The following CFAP57 variants were observed in gnomAD, a reference collection of about 807,000 sequenced individuals.
The protein encoded by CFAP57 is cilia and flagella associated protein 57.
In CFAP57, 116 loss-of-function variants were observed where a neutral mutation model predicts 146.8. The observed-to-expected ratio is 0.79, with a 90% CI of 0.68 to 0.92. The LOEUF (loss-of-function observed/expected upper bound fraction) is 0.92. Among genes scored for constraint, CFAP57 ranks in the 40% least tolerant of loss-of-function variants. The probability of loss-of-function intolerance (pLI) is 0.00; values close to 1 mark genes in which losing one functional copy is unlikely to be tolerated. For missense variants in CFAP57, 1,377 were observed against 1,527.2 expected (o/e 0.90, Z 1.64); for synonymous variants, 518 against 552.8 (o/e 0.94, Z 0.88).
intron 15 of CFAP57, 110 bp from the exon 16 acceptor site, chr1:43,222,714 C>A: frequency 7.8e-7 from 1 of 1,277,638 alleles, no homozygotes; most frequent in Non-Finnish European, 1.0e-6. Flanking sequence ...TGACACTCGC[C>A]TTTGACTCCC....
At chr1:43,212,947 A>AAAAAAG (rs1553180118) in intron 11 of CFAP57, among the ~76,000 whole-genome samples, 6 of 151,292 alleles carry the variant, frequency 4.0e-5, no homozygotes, top group Non-Finnish European at 4.4e-5. Context: ...AAAAAAAAAA[A>AAAAAAG]AAAGAAAGAA....
At chr1:43,251,981 G>C (rs1001007049) in intron 22 of CFAP57, among the ~76,000 whole-genome samples, 1 of 152,174 alleles carries the variant, frequency 6.6e-6, no homozygotes, top group Non-Finnish European at 1.5e-5. Context: ...ATGGAATGTA[G>C]AATAAGAGAT....
intron 22 of CFAP57, among the ~76,000 whole-genome samples, chr1:43,251,378 G>A (rs2124696521): frequency 6.6e-6 from 1 of 152,328 alleles, no homozygotes. Flanking sequence ...ACAAGAACTA[G>A]GGAGGGGCCA....
Position 43,230,129 on chromosome 1 carries a change from G to A in CFAP57, c.3010-2379G>A, listed in dbSNP as rs1645407435. On this transcript the variant is annotated intron_variant, in intron 18 of 22. Transcript: ENST00000372492. ...GAGTAGTATGAGTCTTTGCCTGGGG[G>A]AAAAAATGAACAGAAGTAAACAATA... Among the ~76,000 whole-genome samples, 3 of 152,080 alleles carry A rather than the reference G, an allele frequency of 2.0e-5. No individual in the cohort carries two copies. The South Asian group carries it at 6.2e-4, about 32-fold the overall frequency.
rs1180131503 is a variant in CFAP57, at chr1:43,183,951, A to G, written c.761+74A>G. 3.1e-6 allele frequency: 5 copies of G among 1,587,754 alleles called. No individual in the cohort carries two copies. The African/African-American group carries it at 5.4e-5, about 17-fold the overall frequency. On this transcript the variant is annotated intron_variant, in intron 4 of 22. Transcript: ENST00000372492. Reference sequence around the variant, plus strand: ...CATTATGCAGAAGACAGCACTCTTTAGAAACCACTCATAACCCCTCTACCG... The same window carrying G: ...CATTATGCAGAAGACAGCACTCTTTGGAAACCACTCATAACCCCTCTACCG...
At chr1:43,253,391 G>C (rs1054442335) in intron 22 of CFAP57, among the ~76,000 whole-genome samples, 2 of 152,216 alleles carry the variant, frequency 1.3e-5, no homozygotes, top group African/African-American at 2.4e-5. Flanking sequence ...CTGGCATGGC[G>C]TGGAGGCCAA....
At chr1:43,175,263 G>A (rs371664163) in intron 2 of CFAP57, among the ~76,000 whole-genome samples, 24 of 151,202 alleles carry the variant, frequency 1.6e-4, no homozygotes, top group African/African-American at 4.6e-4. Context: ...ACATATATAC[G>A]TATAAAATAC....
chr1:43,172,621 AAAGGGGAGAGAC>A (rs1645016494), intron 1 of CFAP57, 102 bp from the exon 2 acceptor site: 1 of 839,290 alleles, frequency 1.2e-6, no homozygotes, highest in Non-Finnish European at 1.8e-6. Context: ...AGGGGAGGAG[AAAGGGGAGAGAC>A]AAGGGGAGGA....
intron 2 of CFAP57, among the ~76,000 whole-genome samples, chr1:43,180,805 G>C (rs1569834594): frequency 6.6e-6 from 1 of 152,114 alleles, no homozygotes; most frequent in Non-Finnish European, 1.5e-5. Context: ...GGAGTGATGA[G>C]CTAGCCACTC....
At position 43,181,396 on chromosome 1, in the gene CFAP57, A is replaced by C; in HGVS notation, c.158-138A>C. The C allele has an allele frequency of 2.9e-6, 3 of 1,028,062 alleles. No individual in the cohort carries two copies. In the South Asian group the frequency reaches 4.2e-5, roughly 14 times the overall value. The allele number at this position is 1,028,062 out of a possible 1,614,324, so 63.7% of individuals were successfully genotyped here. On this transcript the variant is annotated intron_variant, in intron 2 of 22. Transcript: ENST00000372492. Reference sequence around the variant, plus strand: ...CCCTAGTCATTTTCATAATACCCAAACACAGCTATGCCAAGGCCGCCTTTC... The same window carrying C: ...CCCTAGTCATTTTCATAATACCCAACCACAGCTATGCCAAGGCCGCCTTTC...
Position 43,185,346 on chromosome 1 carries a change from G to C in CFAP57, c.959G>C (p.Arg320Thr). The C allele has an allele frequency of 6.2e-7, 1 of 1,614,022 alleles. No homozygotes were observed. Among genetic ancestry groups the C allele is most frequent in the Non-Finnish European group, 8.5e-7 (1 of 1,179,998 alleles). The change falls in exon 5 of 23, where the codon AGA becomes ACA. Residue 320 changes from arginine (R) to threonine (T), a missense_variant. Coordinates refer to ENST00000372492, the MANE Select transcript of CFAP57 (RefSeq NM_001378189.1). Reference protein sequence around the residue: ...MEEKDFYRESREIRIPVDPQS... With the variant: ...MEEKDFYRESTEIRIPVDPQS... ...GAAAAGGATTTTTACCGTGAGAGCA[G>C]AGAAATCAGGGTAAGGCGGGAAGAA...
chr1:43,218,389 C>T (rs1644916982), intron 12 of CFAP57, among the ~76,000 whole-genome samples: 1 of 152,022 alleles, frequency 6.6e-6, no homozygotes, highest in Non-Finnish European at 1.5e-5. Context: ...TGCTTGAGCC[C>T]AAGAGTTCGA....
At chr1:43,240,571 T>C (rs1164638092) in intron 21 of CFAP57, among the ~76,000 whole-genome samples, 1 of 152,118 alleles carries the variant, frequency 6.6e-6, no homozygotes, top group East Asian at 1.9e-4. Context: ...AAACATCTGA[T>C]TCAGAAACAC....
At chr1:43,205,765 C>T (rs562141733) in intron 9 of CFAP57, among the ~76,000 whole-genome samples, 2 of 152,108 alleles carry the variant, frequency 1.3e-5, no homozygotes, top group East Asian at 1.9e-4. Context: ...CTTTCCAGAC[C>T]GAAACCATAG....
chr1:43,253,951 C>T, intron 22 of CFAP57, 26 bp from the exon 23 acceptor site: 1 of 1,540,586 alleles, frequency 6.5e-7, no homozygotes. Flanking sequence ...TGGACAGGCC[C>T]ACATGAGTCC....
chr1:43,185,908 A>G (rs2124320050), intron 5 of CFAP57, among the ~76,000 whole-genome samples: 1 of 151,300 alleles, frequency 6.6e-6, no homozygotes, highest in Non-Finnish European at 1.5e-5. Flanking sequence ...ACAGATTGAG[A>G]CTCTGTCTCA....
At chr1:43,241,511 A>G (rs1211982728) in intron 21 of CFAP57, among the ~76,000 whole-genome samples, 1 of 152,078 alleles carries the variant, frequency 6.6e-6, no homozygotes, top group Non-Finnish European at 1.5e-5. Flanking sequence ...CAGGGAGAAC[A>G]GTGCTTAAGA....
chr1:43,220,582 G>T (rs1285533616), intron 13 of CFAP57, among the ~76,000 whole-genome samples: 2 of 152,158 alleles, frequency 1.3e-5, no homozygotes, highest in Non-Finnish European at 2.9e-5. Flanking sequence ...AAATGAGTCT[G>T]CCATGGTGGC....
chr1:43,210,235 C>T (rs2124496161), intron 11 of CFAP57: 2 of 1,484,626 alleles, frequency 1.3e-6, no homozygotes, highest in East Asian at 4.9e-5. Flanking sequence ...CCACAGCTGC[C>T]TCCTCCTCCA....
Sources: allele counts gnomAD v4.1 joint callset (sites outside exome capture counted in the v4.1 genomes callset), GRCh38; gene constraint gnomAD v4.1.1; transcripts MANE v1.5; gene names NCBI Gene and HGNC (gene_info 2026-07-23, HGNC 2026-07-21).